AKAP13: variants seen among roughly 807,000 people sequenced by gnomAD.
The protein encoded by AKAP13 is A-kinase anchoring protein 13, also known as A-kinase anchor protein 13.
Under a neutral mutation model 264.5 loss-of-function variants are expected in AKAP13, and 80 were observed. That is an observed-to-expected ratio of 0.30 (90% CI 0.25 to 0.36). The LOEUF (loss-of-function observed/expected upper bound fraction) is 0.36, where lower values mean the gene tolerates loss of function less well. Among genes scored for constraint, AKAP13 ranks in the 10% least tolerant of loss-of-function variants. The pLI, the probability that AKAP13 is intolerant of heterozygous loss-of-function variation, is 1.00. For synonymous variants in AKAP13, 1,380 were observed against 1,250.2 expected (o/e 1.10, Z -2.19); for missense variants, 3,712 against 3,435.2 (o/e 1.08, Z -2.01).
intron 8 of AKAP13, among the ~76,000 whole-genome samples, chr15:85,589,144 GAC>G (rs1406716476): frequency 2.6e-5 from 4 of 152,182 alleles, no homozygotes; most frequent in African/African-American, 2.4e-5. Context: ...GGATAAAACA[GAC>G]ACACACTTTA....
chr15:85,737,196 A>G (rs1430506923), intron 33 of AKAP13, among the ~76,000 whole-genome samples: 1 of 152,176 alleles, frequency 6.6e-6, no homozygotes, highest in Non-Finnish European at 1.5e-5. Context: ...CTGGGATTAC[A>G]GGCATGAGCC....
chr15:85,454,785 G>A (rs1393885589), intron 1 of AKAP13, among the ~76,000 whole-genome samples: 6 of 152,156 alleles, frequency 3.9e-5, no homozygotes, highest in Admixed American at 6.5e-5. Context: ...ACCCCAGAAC[G>A]AGACTTTGCA....
intron 14 of AKAP13, among the ~76,000 whole-genome samples, chr15:85,671,565 C>T (rs970249672): frequency 2.0e-5 from 3 of 150,536 alleles, no homozygotes; most frequent in South Asian, 2.1e-4. Context: ...AGGTGTCTAA[C>T]GGAGACTTAT....
At chr15:85,387,262 G>A (rs1156438412) in intron 1 of AKAP13, among the ~76,000 whole-genome samples, 1 of 152,066 alleles carries the variant, frequency 6.6e-6, no homozygotes, top group Non-Finnish European at 1.5e-5. Context: ...CTTTAGCCCG[G>A]GAGATGGAGG....
At chr15:85,658,492 T>C (rs369493801) in intron 11 of AKAP13, 45 bp from the exon 12 acceptor site, 12 of 1,590,116 alleles carry the variant, frequency 7.5e-6, no homozygotes, top group Non-Finnish European at 1.0e-5. Context: ...TTGTATCCCA[T>C]TTTGTTTCAC....
At position 85,565,608 on chromosome 15, in the gene AKAP13, T is replaced by C. The variant is rs557717202; in HGVS notation, c.663-9523T>C. Among the ~76,000 whole-genome samples the C allele has an allele frequency of 3.3e-5, 5 of 152,342 alleles. No homozygotes were observed. In the South Asian group the frequency reaches 8.3e-4, roughly 25 times the overall value. ...TCAAGAGAATGCTGAGTAGTTATTT[T>C]ACAAGTCTAAAGGAGACTGAATGTG... is the stretch of plus-strand genomic sequence containing the variant. On this transcript the variant is annotated intron_variant, in intron 5 of 36. Coordinates refer to ENST00000394518, the MANE Select transcript of AKAP13 (RefSeq NM_007200.5).
At chr15:85,512,827 AT>A (rs2076478018) in intron 2 of AKAP13, among the ~76,000 whole-genome samples, 3 of 79,626 alleles carry the variant, frequency 3.8e-5, no homozygotes, top group African/African-American at 8.7e-5. Context: ...GTATGTATGT[AT>A]GTATGTATGT....
At chr15:85,601,650 T>TGTGTGTG (rs1567149369) in intron 8 of AKAP13, among the ~76,000 whole-genome samples, 5 of 35,562 alleles carry the variant, frequency 1.4e-4, no homozygotes, top group Admixed American at 8.0e-4. Flanking sequence ...GTGTGTGTGT[T>TGTGTGTG]TTTCTTCCAG....
intron 1 of AKAP13, among the ~76,000 whole-genome samples, chr15:85,399,007 T>A (rs2071257332): frequency 1.3e-5 from 2 of 152,184 alleles, no homozygotes; most frequent in African/African-American, 2.4e-5. Context: ...GACAGCCTTA[T>A]ACATACATCT....
At chr15:85,656,258 A>T (rs1259236338) in intron 11 of AKAP13, among the ~76,000 whole-genome samples, 1 of 152,210 alleles carries the variant, frequency 6.6e-6, no homozygotes. Flanking sequence ...TCTAATACAG[A>T]AAGTTTTGAT....
At chr15:85,672,266 A>G (rs777048506) in intron 14 of AKAP13, among the ~76,000 whole-genome samples, 7 of 152,260 alleles carry the variant, frequency 4.6e-5, no homozygotes, top group South Asian at 4.1e-4. Flanking sequence ...CCTTCCTAAT[A>G]GCATATGCTG....
intron 9 of AKAP13, among the ~76,000 whole-genome samples, chr15:85,642,137 A>G (rs1224757997): frequency 6.6e-6 from 1 of 152,210 alleles, no homozygotes. Flanking sequence ...ATTAAAGGTT[A>G]ATGAAGCCTT....
At position 85,741,710 on chromosome 15, in the gene AKAP13, A is replaced by AC. The variant is rs1567225887; in HGVS notation, c.8058+215_8058+216insC. ...CTCTGTCTCTCCTAAAAAAAAAAAA[A>AC]AAAAAACAAACAAACAAACAAAAAA... On this transcript the variant is annotated intron_variant, in intron 35 of 36. Transcript: ENST00000394518. Among the ~76,000 whole-genome samples, 348 of 103,214 alleles carry AC rather than the reference A, an allele frequency of 3.4e-3. 2 individuals carry two copies. Among genetic ancestry groups the AC allele is most frequent in the African/African-American group, 0.011 (294 of 26,678 alleles). The allele number at this position is 103,214 out of a possible 152,430, so 67.7% of individuals were successfully genotyped here.
chr15:85,601,616 G>GTC (rs1567149329), intron 8 of AKAP13, among the ~76,000 whole-genome samples: 1 of 148,888 alleles, frequency 6.7e-6, no homozygotes, highest in Non-Finnish European at 1.5e-5. Flanking sequence ...CTTTGTGTGT[G>GTC]TGTGTGTGTG....
At chr15:85,627,923 A>C (rs2081504213) in intron 8 of AKAP13, among the ~76,000 whole-genome samples, 1 of 152,186 alleles carries the variant, frequency 6.6e-6, no homozygotes, top group South Asian at 2.1e-4. Context: ...TTTCTCTTGC[A>C]AGCATATTGT....
chr15:85,744,222 A>G, intron 36 of AKAP13: 1 of 294,564 alleles, frequency 3.4e-6, no homozygotes, highest in Non-Finnish European at 6.4e-6. Context: ...AGAAGTGAGG[A>G]AACTGAGGCT....
intron 17 of AKAP13, chr15:85,702,239 TCACACACACACACACA>T (rs3223062): frequency 1.4e-5 from 2 of 146,612 alleles, no homozygotes; most frequent in African/African-American, 5.1e-5. Flanking sequence ...AGAGCAAGAC[TCACACACACACACACA>T]CACACACACA....
At chr15:85,518,452 G>C (rs1207251374) in intron 2 of AKAP13, among the ~76,000 whole-genome samples, 1 of 152,204 alleles carries the variant, frequency 6.6e-6, no homozygotes, top group Admixed American at 6.5e-5. Context: ...TGAAATGAAT[G>C]GAGCTTCTGT....
chr15:85,658,419 C>G (rs1034830800), intron 11 of AKAP13, 118 bp from the exon 12 acceptor site: 2 of 782,764 alleles, frequency 2.6e-6, no homozygotes, highest in African/African-American at 3.5e-5. Context: ...ATTCTCTTGC[C>G]TGTGCCATTT....
Sources: allele counts gnomAD v4.1 joint callset (sites outside exome capture counted in the v4.1 genomes callset), GRCh38; gene constraint gnomAD v4.1.1; transcripts MANE v1.5; gene names NCBI Gene and HGNC (gene_info 2026-07-23, HGNC 2026-07-21).